The following DISP1 variants were observed in gnomAD, a reference collection of about 807,000 sequenced individuals.
DISP1 encodes protein dispatched homolog 1.
Under a neutral mutation model 37.3 loss-of-function variants are expected in DISP1, and 30 were observed. The ratio of observed to expected loss-of-function variants is 0.80; its 90% CI spans 0.60 to 1.09. DISP1 has a LOEUF of 1.09. DISP1 is among the 50% of genes least tolerant of loss of function. The probability of loss-of-function intolerance (pLI) is 0.00; values close to 1 mark genes in which losing one functional copy is unlikely to be tolerated. For synonymous variants in DISP1, 634 were observed against 690.2 expected (o/e 0.92, Z 1.28); for missense variants, 1,598 against 1,879.5 (o/e 0.85, Z 2.77).
chr1:222,830,156 G>A (rs17475774), intron 1 of DISP1, among the ~76,000 whole-genome samples: 16,516 of 152,106 alleles, frequency 0.11, 1,267 homozygotes, highest in South Asian at 0.16. Context: ...GTTTATCACT[G>A]ACTTGAATAT....
chr1:222,886,606 C>T (rs1670613973), intron 1 of DISP1, among the ~76,000 whole-genome samples: 1 of 152,340 alleles, frequency 6.6e-6, no homozygotes, highest in Non-Finnish European at 1.5e-5. Context: ...AGTTCCTTAA[C>T]TTGCATAGAT....
chr1:222,937,382 G>T (rs532744010), intron 2 of DISP1, among the ~76,000 whole-genome samples: 1 of 151,158 alleles, frequency 6.6e-6, no homozygotes, highest in South Asian at 2.1e-4. Flanking sequence ...GAGCCACTGC[G>T]CCCTGCCCCT....
intron 1 of DISP1, among the ~76,000 whole-genome samples, chr1:222,881,719 C>T (rs1346907019): frequency 1.3e-5 from 2 of 152,290 alleles, no homozygotes; most frequent in East Asian, 3.9e-4. Context: ...ATAATATTTT[C>T]AGTTGTTTCA....
At chr1:222,889,403 C>A (rs1320533134) in intron 1 of DISP1, among the ~76,000 whole-genome samples, 1 of 151,988 alleles carries the variant, frequency 6.6e-6, no homozygotes, top group South Asian at 2.1e-4. Context: ...CCTTAAGCCT[C>A]CTGTTTAAAG....
chr1:222,935,245 G>A (rs1372196907), intron 2 of DISP1, among the ~76,000 whole-genome samples: 1 of 152,172 alleles, frequency 6.6e-6, no homozygotes, highest in Non-Finnish European at 1.5e-5. Context: ...AACTGCTCTA[G>A]GGAGCATGAC....
At chr1:222,989,477 A>G (rs1678526188) in intron 4 of DISP1, 1 of 985,428 alleles carries the variant, frequency 1.0e-6, no homozygotes, top group Non-Finnish European at 1.2e-6. Flanking sequence ...ATAACGTGTG[A>G]TCCAGGACCT....
intron 1 of DISP1, among the ~76,000 whole-genome samples, chr1:222,858,950 A>C (rs1668716764): frequency 6.6e-6 from 1 of 152,206 alleles, no homozygotes; most frequent in Admixed American, 6.5e-5. Context: ...TAGAACCAAA[A>C]TATCATTTGA....
In DISP1 at chr1:222,939,382, T is replaced by A. The variant is rs1444198563; in HGVS notation, c.-17-3425T>A. Reference sequence around the variant, plus strand: ...TTTTTTTTTTTTTTTTTTTTTTTTTTACTGAGGATAAGCAGATTTAATTAG... The same window carrying A: ...TTTTTTTTTTTTTTTTTTTTTTTTTAACTGAGGATAAGCAGATTTAATTAG... On this transcript the variant is annotated intron_variant, in intron 2 of 8. Coordinates refer to ENST00000675850, the MANE Select transcript of DISP1 (RefSeq NM_001377229.1). Among the ~76,000 whole-genome samples, 8 of 123,306 alleles carry A rather than the reference T, an allele frequency of 6.5e-5. No homozygotes were observed. The East Asian group carries it at 1.5e-3, about 23-fold the overall frequency. The allele number at this position is 123,306 out of a possible 152,430, so 80.9% of individuals were successfully genotyped here.
At chr1:222,985,574 C>T (rs985898540) in intron 4 of DISP1, among the ~76,000 whole-genome samples, 13 of 152,176 alleles carry the variant, frequency 8.5e-5, no homozygotes, top group Admixed American at 4.6e-4. Flanking sequence ...TGCTTGAACC[C>T]GGGAGGTGGA....
At chr1:222,856,213 T>A (rs1446924336) in intron 1 of DISP1, among the ~76,000 whole-genome samples, 1 of 152,210 alleles carries the variant, frequency 6.6e-6, no homozygotes, top group African/African-American at 2.4e-5. Context: ...AGTGGATCAG[T>A]GTTTAATTTT....
intron 4 of DISP1, among the ~76,000 whole-genome samples, 159 bp downstream of exon 4, chr1:222,983,268 C>G (rs1677971566): frequency 6.6e-6 from 1 of 152,022 alleles, no homozygotes; most frequent in Non-Finnish European, 1.5e-5. Context: ...TGAGGAATTC[C>G]ATATCTCCAA....
intron 1 of DISP1, among the ~76,000 whole-genome samples, chr1:222,888,152 A>G (rs1459065203): frequency 1.3e-5 from 2 of 152,170 alleles, no homozygotes; most frequent in East Asian, 3.9e-4. Flanking sequence ...TAGCTTTATA[A>G]AATTACCTGA....
intron 1 of DISP1, among the ~76,000 whole-genome samples, chr1:222,853,994 C>T (rs984815080): frequency 2.0e-5 from 3 of 152,186 alleles, no homozygotes; most frequent in African/African-American, 7.2e-5. Context: ...CCATGTACCC[C>T]ATGAATATCT....
At chr1:222,942,250 G>A (rs1404180806) in intron 2 of DISP1, among the ~76,000 whole-genome samples, 1 of 152,048 alleles carries the variant, frequency 6.6e-6, no homozygotes, top group Non-Finnish European at 1.5e-5. Flanking sequence ...TTCCTGACTG[G>A]TTTTAATTTA....
chr1:222,958,417 A>G lies in DISP1; in HGVS notation c.509+15085A>G, dbSNP rs1001176669. Among the ~76,000 whole-genome samples the G allele has an allele frequency of 3.0e-4, 45 of 152,340 alleles. No individual in the cohort carries two copies. In the Middle Eastern group the frequency reaches 0.01, roughly 35 times the overall value. On this transcript the variant is annotated intron_variant, in intron 3 of 8. Coordinates refer to ENST00000675850, the MANE Select transcript of DISP1 (RefSeq NM_001377229.1). ...ATTGCCCATACTCCATAGACACTTG[A>G]GCAGCTACTTTAGTCATTTTGAAAT...
chr1:222,904,637 G>A (rs114983284), intron 1 of DISP1, among the ~76,000 whole-genome samples: 1,726 of 150,322 alleles, frequency 0.011, 34 homozygotes, highest in African/African-American at 0.04. Context: ...GCGCGGTCTC[G>A]GCTCACTGCA....
intron 3 of DISP1, among the ~76,000 whole-genome samples, chr1:222,950,314 A>T (rs1275880420): frequency 6.6e-6 from 1 of 152,172 alleles, no homozygotes; most frequent in Non-Finnish European, 1.5e-5. Flanking sequence ...AAAACATGTA[A>T]GAAAGGGCCA....
chr1:222,930,034 A>G (rs969862962), intron 2 of DISP1, among the ~76,000 whole-genome samples: 10 of 152,288 alleles, frequency 6.6e-5, no homozygotes, highest in African/African-American at 2.4e-4. Context: ...TAGAAAATAC[A>G]TGTTTACCTT....
At chr1:222,991,196 C>A (rs532019872) in intron 5 of DISP1, among the ~76,000 whole-genome samples, 4 of 152,172 alleles carry the variant, frequency 2.6e-5, no homozygotes, top group African/African-American at 9.6e-5. Flanking sequence ...AAATACAGTG[C>A]GTAACATGAT....
Sources: allele counts gnomAD v4.1 joint callset (sites outside exome capture counted in the v4.1 genomes callset), GRCh38; gene constraint gnomAD v4.1.1; transcripts MANE v1.5; gene names NCBI Gene and HGNC (gene_info 2026-07-23, HGNC 2026-07-21).